SHISA9: variants seen among roughly 807,000 people sequenced by gnomAD.
SHISA9 encodes the protein shisa family member 9, also known as protein shisa-9.
A neutral mutation model predicts 38.0 loss-of-function variants in SHISA9; 13 were observed. The observed-to-expected ratio is 0.34, with a 90% confidence interval of 0.22 to 0.54. The LOEUF is 0.54. SHISA9 is among the 20% of genes least tolerant of loss of function. The pLI, the probability that SHISA9 is intolerant of heterozygous loss-of-function variation, is 0.91. For missense variants in SHISA9, 538 were observed against 575.8 expected, an observed-to-expected ratio of 0.93 and a Z score of 0.67; for synonymous variants, 275 against 242.0, an observed-to-expected ratio of 1.14 and a Z score of -1.27.
chr16:13,296,653 G>T, the SHISA9 span, among the ~76,000 whole-genome samples: 2 of 151,894 alleles, frequency 1.3e-5, no homozygotes, highest in Admixed American at 6.6e-5. Flanking sequence ...CACTTTGGGA[G>T]GCCAAGGCAA....
chr16:13,110,602 A>G (rs1177900559), intron 2 of SHISA9, among the ~76,000 whole-genome samples: 2 of 152,176 alleles, frequency 1.3e-5, no homozygotes, highest in African/African-American at 4.8e-5. Context: ...GAGAGCTGGA[A>G]CTTGAGCAAG....
chr16:13,208,448 T>TC (rs1215005287), intron 3 of SHISA9, among the ~76,000 whole-genome samples: 3 of 148,480 alleles, frequency 2.0e-5, no homozygotes, highest in East Asian at 1.9e-4. Context: ...TTTTTCTTTT[T>TC]TTTTTTTTTT....
At chr16:12,923,520 T>C (rs999642279) in intron 2 of SHISA9, among the ~76,000 whole-genome samples, 12 of 151,906 alleles carry the variant, frequency 7.9e-5, no homozygotes, top group African/African-American at 1.7e-4. Flanking sequence ...AGAGCAAAAC[T>C]CTGTCTCAAA....
At chr16:13,356,381 T>C in the SHISA9 span, among the ~76,000 whole-genome samples, 1 of 152,142 alleles carries the variant, frequency 6.6e-6, no homozygotes, top group African/African-American at 2.4e-5. Context: ...TTATATTTGA[T>C]GAAAAAGAGC....
chr16:13,319,394 C>A, the SHISA9 span, among the ~76,000 whole-genome samples: 1 of 152,136 alleles, frequency 6.6e-6, no homozygotes, highest in Non-Finnish European at 1.5e-5. Flanking sequence ...ACTAGAAGAC[C>A]CGTTGGAAGA....
chr16:13,306,937 A>G, the SHISA9 span, among the ~76,000 whole-genome samples: 6 of 152,354 alleles, frequency 3.9e-5, no homozygotes, highest in South Asian at 1.0e-3. Context: ...TTAGTAGTCT[A>G]ATAGTAGTAG....
At chr16:13,397,625 G>A in the SHISA9 span, among the ~76,000 whole-genome samples, 3 of 152,080 alleles carry the variant, frequency 2.0e-5, no homozygotes, top group African/African-American at 7.2e-5. Context: ...TAGTAGAGAC[G>A]AGGTTTCACC....
At chr16:13,130,761 CA>C (rs1434011294) in intron 2 of SHISA9, among the ~76,000 whole-genome samples, 2 of 152,220 alleles carry the variant, frequency 1.3e-5, no homozygotes, top group Non-Finnish European at 2.9e-5. Context: ...AACCCTGCCA[CA>C]GTAGCACAAA....
At chr16:13,005,152 G>C (rs2072582392) in intron 2 of SHISA9, among the ~76,000 whole-genome samples, 1 of 152,010 alleles carries the variant, frequency 6.6e-6, no homozygotes, top group Non-Finnish European at 1.5e-5. Flanking sequence ...GTTGGTGGAG[G>C]GAAGAGTGTA....
the SHISA9 span, among the ~76,000 whole-genome samples, chr16:13,553,006 A>G: frequency 6.6e-6 from 1 of 151,896 alleles, no homozygotes; most frequent in Non-Finnish European, 1.5e-5. Context: ...TAGAGCCACA[A>G]TGCTGGCCTC....
the SHISA9 span, among the ~76,000 whole-genome samples, chr16:13,407,157 G>A: frequency 1.3e-5 from 2 of 151,772 alleles, no homozygotes; most frequent in African/African-American, 4.8e-5. Flanking sequence ...CCATAGACTG[G>A]GTGGCTTATC....
chr16:13,165,677 C>T (rs2050629363), intron 2 of SHISA9, among the ~76,000 whole-genome samples: 1 of 152,208 alleles, frequency 6.6e-6, no homozygotes, highest in South Asian at 2.1e-4. Flanking sequence ...TCAGTCAGCT[C>T]ACAGTTCCAC....
the SHISA9 span, among the ~76,000 whole-genome samples, chr16:13,256,846 GA>G: frequency 6.6e-6 from 1 of 152,212 alleles, no homozygotes; most frequent in Non-Finnish European, 1.5e-5. Flanking sequence ...TCTAGGGACT[GA>G]AAACGTTCCT....
chr16:13,434,137 G>C, the SHISA9 span, among the ~76,000 whole-genome samples: 3 of 152,152 alleles, frequency 2.0e-5, no homozygotes, highest in Admixed American at 1.3e-4. Flanking sequence ...AATGTTCAAA[G>C]GCAGGAAGCA....
At chr16:12,932,910 A>G (rs1303829832) in intron 2 of SHISA9, among the ~76,000 whole-genome samples, 1 of 152,188 alleles carries the variant, frequency 6.6e-6, no homozygotes, top group East Asian at 1.9e-4. Flanking sequence ...TGAGAAAAGA[A>G]CAGAAGGATG....
At chr16:13,180,332 T>C (rs2142030263) in intron 2 of SHISA9, among the ~76,000 whole-genome samples, 1 of 152,340 alleles carries the variant, frequency 6.6e-6, no homozygotes, top group East Asian at 1.9e-4. Context: ...TACAGAAGTT[T>C]GGACCAGGGG....
At chr16:12,976,751 A>G (rs1384357699) in intron 2 of SHISA9, among the ~76,000 whole-genome samples, 1 of 152,152 alleles carries the variant, frequency 6.6e-6, no homozygotes, top group Non-Finnish European at 1.5e-5. Flanking sequence ...GGCAGACAGC[A>G]AAACATCATG....
At chr16:13,222,441 G>A (rs2051236428) in intron 4 of SHISA9, among the ~76,000 whole-genome samples, 1 of 152,142 alleles carries the variant, frequency 6.6e-6, no homozygotes, top group African/African-American at 2.4e-5. Context: ...GGGGGAAGAG[G>A]GAAGAGAGGA....
the SHISA9 span, among the ~76,000 whole-genome samples, chr16:13,269,137 C>G: frequency 2.0e-5 from 3 of 152,322 alleles, no homozygotes; most frequent in African/African-American, 7.2e-5. Flanking sequence ...AGGTGGTAAA[C>G]TTTATCTGAT....
Sources: allele counts gnomAD v4.1 joint callset (sites outside exome capture counted in the v4.1 genomes callset), GRCh38; gene constraint gnomAD v4.1.1; transcripts MANE v1.5; gene names NCBI Gene and HGNC (gene_info 2026-07-23, HGNC 2026-07-21).